Variants in MAOA observed in about 807,000 individuals in gnomAD.
MAOA encodes the protein amine oxidase [flavin-containing] A.
MAOA carries 6 observed loss-of-function variants against 42.0 expected under a neutral mutation model. The observed-to-expected ratio is 0.14, with a 90% CI of 0.08 to 0.28. MAOA has a LOEUF of 0.28. Ranked by LOEUF, MAOA falls within the 10% of genes least tolerant of loss-of-function variation. MAOA has a pLI of 1.00. For synonymous variants in MAOA, 140 were observed against 154.0 expected, an observed-to-expected ratio of 0.91 and a Z score of 0.67; for missense variants, 262 against 422.3, an observed-to-expected ratio of 0.62 and a Z score of 3.33.
At chrX:43,696,735 CAAAAAAA>C (rs752514840) in intron 3 of MAOA, among the ~76,000 whole-genome samples, 24 of 41,669 alleles carry the variant, frequency 5.8e-4, no homozygotes, top group African/African-American at 2.1e-3. Context: ...GACTCCGTCT[CAAAAAAA>C]AAAAAAAAAG....
intron 1 of MAOA, among the ~76,000 whole-genome samples, chrX:43,665,164 A>G (rs940565108): frequency 4.5e-5 from 5 of 111,962 alleles, no homozygotes; most frequent in Non-Finnish European, 9.4e-5. Context: ...TTGGGAGTTT[A>G]TTATGCTATT....
intron 3 of MAOA, among the ~76,000 whole-genome samples, chrX:43,696,021 G>A (rs1256641587): frequency 1.8e-5 from 2 of 111,989 alleles, no homozygotes; most frequent in African/African-American, 3.2e-5. Flanking sequence ...TGGGAACCCT[G>A]CTTTCTAGAA....
chrX:43,678,182 G>T (rs1471893929), intron 1 of MAOA, among the ~76,000 whole-genome samples: 1 of 111,611 alleles, frequency 9.0e-6, no homozygotes, highest in Non-Finnish European at 1.9e-5. Context: ...TGGGCTGGTT[G>T]TTAATCATTT....
chrX:43,734,315 T>C (rs1201119564), intron 9 of MAOA, among the ~76,000 whole-genome samples: 2 of 110,762 alleles, frequency 1.8e-5, no homozygotes, highest in Non-Finnish European at 3.8e-5. Flanking sequence ...CCTTGGAAAC[T>C]GGGGAATACC....
intron 2 of MAOA, among the ~76,000 whole-genome samples, chrX:43,692,356 C>A (rs969597262): frequency 9.0e-6 from 1 of 110,697 alleles, no homozygotes; most frequent in Non-Finnish European, 1.9e-5. Flanking sequence ...TGCATTTCGG[C>A]CCAGCTTCAA....
intron 6 of MAOA, among the ~76,000 whole-genome samples, chrX:43,729,570 T>G (rs1052148316): frequency 8.0e-5 from 9 of 111,943 alleles, no homozygotes; most frequent in Admixed American, 1.9e-4. Context: ...GATTATAAGT[T>G]AAATGGTCTG....
chrX:43,688,036 A>G (rs1453525046), intron 2 of MAOA, among the ~76,000 whole-genome samples: 1 of 111,833 alleles, frequency 8.9e-6, no homozygotes, highest in African/African-American at 3.3e-5. Context: ...TTCAAATGTA[A>G]CTCAGATTTT....
chrX:43,663,598 T>C (rs2033253171), intron 1 of MAOA, among the ~76,000 whole-genome samples: 1 of 111,562 alleles, frequency 9.0e-6, no homozygotes, highest in Non-Finnish European at 1.9e-5. Context: ...GTGCTCTTTC[T>C]GTACCTCACC....
chrX:43,682,024 G>T (rs2033448293), intron 1 of MAOA, among the ~76,000 whole-genome samples: 1 of 109,980 alleles, frequency 9.1e-6, no homozygotes, highest in Non-Finnish European at 1.9e-5. Flanking sequence ...TGGGACTACA[G>T]GTGCCCACCA....
intron 3 of MAOA, among the ~76,000 whole-genome samples, chrX:43,693,803 ACG>A (rs1491167485): frequency 1.8e-5 from 2 of 109,365 alleles, no homozygotes; most frequent in Non-Finnish European, 3.8e-5. Flanking sequence ...ACACACACAC[ACG>A]CACACTCCCC....
At chrX:43,715,821 T>A (rs1212239761) in intron 5 of MAOA, among the ~76,000 whole-genome samples, 1 of 110,211 alleles carries the variant, frequency 9.1e-6, no homozygotes, top group East Asian at 2.9e-4. Context: ...GGAGGGCATG[T>A]TACTTCTCAG....
chrX:43,667,608 T>G (rs2033293848), intron 1 of MAOA, among the ~76,000 whole-genome samples: 1 of 111,351 alleles, frequency 9.0e-6, no homozygotes, highest in African/African-American at 3.3e-5. Flanking sequence ...GAAAAATAAT[T>G]TGGGGTAGCA....
At chrX:43,715,801 G>C (rs1427917333) in intron 5 of MAOA, among the ~76,000 whole-genome samples, 1 of 110,532 alleles carries the variant, frequency 9.0e-6, no homozygotes, top group Non-Finnish European at 1.9e-5. Flanking sequence ...TGGATACTGT[G>C]TTTGTAGGGG....
intron 12 of MAOA, among the ~76,000 whole-genome samples, chrX:43,742,329 G>A (rs756907092): frequency 8.9e-6 from 1 of 112,376 alleles, no homozygotes; most frequent in East Asian, 2.8e-4. Context: ...AGGGGACTTC[G>A]TGAGCTCAAC....
chrX:43,659,236 A>G (rs1332030653), intron 1 of MAOA, among the ~76,000 whole-genome samples: 2 of 111,781 alleles, frequency 1.8e-5, no homozygotes, highest in African/African-American at 6.5e-5. Flanking sequence ...TATGTCTTAC[A>G]ACCACAAACT....
At chrX:43,694,158 C>T (rs2033559591) in intron 3 of MAOA, among the ~76,000 whole-genome samples, 1 of 111,708 alleles carries the variant, frequency 9.0e-6, no homozygotes, top group African/African-American at 3.3e-5. Context: ...TCTGACATTG[C>T]AGCCTACTTC....
intron 5 of MAOA, among the ~76,000 whole-genome samples, chrX:43,724,572 T>A (rs982382200): frequency 9.0e-6 from 1 of 111,677 alleles, no homozygotes; most frequent in Non-Finnish European, 1.9e-5. Context: ...TTCTCTCTTT[T>A]CTTTATTAGT....
At chrX:43,659,103 A>G (rs915918761) in intron 1 of MAOA, among the ~76,000 whole-genome samples, 2 of 111,704 alleles carry the variant, frequency 1.8e-5, no homozygotes. Context: ...AAGAGTACAT[A>G]TTCTAAGTGA....
intron 1 of MAOA, chrX:43,657,748 C>T (rs1212377108): frequency 6.0e-6 from 1 of 167,422 alleles, no homozygotes; most frequent in Non-Finnish European, 9.6e-6. Flanking sequence ...AGTAGAGTGG[C>T]CCCACAGTAG....
Sources: gnomAD v4.1 joint callset for allele counts (sites outside exome capture counted in the v4.1 genomes callset) on GRCh38, gnomAD v4.1.1 for gene constraint, MANE v1.5 for transcripts, NCBI Gene and HGNC (gene_info 2026-07-23, HGNC 2026-07-21) for gene names.